The following CHN2 variants were observed in gnomAD, a reference collection of about 807,000 sequenced individuals.
CHN2 encodes beta-chimaerin.
A neutral mutation model predicts 56.3 loss-of-function variants in CHN2; 35 were observed. That is an observed-to-expected ratio of 0.62 (90% confidence interval 0.47 to 0.82). The LOEUF is 0.82. CHN2 is among the 40% of genes least tolerant of loss of function. The pLI is 0.00. For synonymous variants in CHN2, 210 were observed against 212.8 expected, an observed-to-expected ratio of 0.99 and a Z score of 0.12; for missense variants, 491 against 580.5, an observed-to-expected ratio of 0.85 and a Z score of 1.58.
chr7:29,291,660 T>A (rs1007327501), intron 1 of CHN2, among the ~76,000 whole-genome samples: 5 of 152,214 alleles, frequency 3.3e-5, no homozygotes, highest in African/African-American at 1.2e-4. Flanking sequence ...GTATTTAGGT[T>A]GATACCAGTT....
At position 29,422,329 on chromosome 7, in the gene CHN2, C is replaced by T. The variant is rs543227993; in HGVS notation, c.576+21501C>T. On this transcript the variant is annotated intron_variant, in intron 6 of 12. Coordinates refer to ENST00000222792, the MANE Select transcript of CHN2 (RefSeq NM_004067.4). ...GTCAAATACACACAGGTGCAGCAGC[C>T]GGCACCCGCCAGGTGTGCTATCAAT... Among the ~76,000 whole-genome samples, 20 of 152,278 alleles carry T rather than the reference C, an allele frequency of 1.3e-4. No homozygotes were observed. The East Asian group carries it at 1.4e-3, about 10-fold the overall frequency.
intron 1 of CHN2, among the ~76,000 whole-genome samples, chr7:29,241,250 C>T (rs945206316): frequency 2.6e-5 from 4 of 152,034 alleles, no homozygotes; most frequent in South Asian, 2.1e-4. Context: ...AATTCAGGCT[C>T]GCAGACAATT....
chr7:29,207,307 T>C (rs1390376921), intron 1 of CHN2, among the ~76,000 whole-genome samples: 1 of 151,974 alleles, frequency 6.6e-6, no homozygotes, highest in African/African-American at 2.4e-5. Context: ...TACATGGGGG[T>C]GCCCCTTCTC....
chr7:29,228,137 C>T (rs1211540792), intron 1 of CHN2, among the ~76,000 whole-genome samples: 1 of 150,620 alleles, frequency 6.6e-6, no homozygotes, highest in African/African-American at 2.4e-5. Flanking sequence ...AAAACCTGTA[C>T]ACACACTAAT....
At chr7:29,194,685 C>T, upstream of CHN2, 1 of 382,128 alleles carries the variant, frequency 2.6e-6, no homozygotes, top group Non-Finnish European at 4.6e-6. Flanking sequence ...TCTGCTCCCA[C>T]CTACCCCCTG....
At chr7:29,147,242 A>C in intron 2 of CHN2, 1 of 403,786 alleles carries the variant, frequency 2.5e-6, no homozygotes, top group African/African-American at 2.0e-5. Context: ...AACACAAAAT[A>C]AAGGAGGGTC....
At chr7:29,264,076 A>G (rs1584907926) in intron 1 of CHN2, among the ~76,000 whole-genome samples, 2 of 147,484 alleles carry the variant, frequency 1.4e-5, no homozygotes, top group Non-Finnish European at 3.0e-5. Context: ...CCCGTCCGGG[A>G]GGTGGGGGGC....
chr7:29,496,498 G>T (rs1047638146), intron 8 of CHN2, among the ~76,000 whole-genome samples: 1 of 151,148 alleles, frequency 6.6e-6, no homozygotes, highest in Admixed American at 6.6e-5. Flanking sequence ...CCTTGGGGGA[G>T]ATGCAATTAT....
intron 2 of CHN2, among the ~76,000 whole-genome samples, chr7:29,356,502 TG>T (rs1370972606): frequency 1.3e-5 from 2 of 152,168 alleles, no homozygotes; most frequent in Non-Finnish European, 2.9e-5. Context: ...TCTGTGAATG[TG>T]GGGAGGGAGA....
chr7:29,368,004 T>G lies in CHN2; in HGVS notation c.144+17T>G. 1 of 1,604,024 alleles carries G rather than the reference T, an allele frequency of 6.2e-7. No individual in the cohort carries two copies. Among genetic ancestry groups the G allele is most frequent in the Non-Finnish European group, 8.5e-7 (1 of 1,174,496 alleles). On this transcript the variant is annotated intron_variant, in intron 3 of 12. Transcript: ENST00000222792. ...CCTCGGGAGGTCAGTGCTCAGCTAT[T>G]TCCAATACACCTTGTTAAATATGAT...
intron 1 of CHN2, among the ~76,000 whole-genome samples, chr7:29,350,128 C>A (rs1261497052): frequency 3.9e-5 from 6 of 152,114 alleles, no homozygotes; most frequent in African/African-American, 1.4e-4. Context: ...TTTGGGGGGA[C>A]TGCCTGGCAA....
chr7:29,411,846 G>A lies in CHN2; in HGVS notation c.576+11018G>A, dbSNP rs558692114. Among the ~76,000 whole-genome samples, 495 of 152,254 alleles carry A rather than the reference G, an allele frequency of 3.3e-3. 3 individuals are homozygous for A. Among genetic ancestry groups the A allele is most frequent in the Non-Finnish European group, 4.8e-3 (329 of 68,008 alleles). Reference sequence around the variant, plus strand: ...CGGAGCTGCCCTTCAGCCCGCCCCCGTCTCTGGATGTTCCAGTACTGCTGG... The same window carrying A: ...CGGAGCTGCCCTTCAGCCCGCCCCCATCTCTGGATGTTCCAGTACTGCTGG... On this transcript the variant is annotated intron_variant, in intron 6 of 12. Coordinates refer to ENST00000222792, the MANE Select transcript of CHN2 (RefSeq NM_004067.4).
At chr7:29,176,143 G>A (rs569381402) in intron 2 of CHN2, among the ~76,000 whole-genome samples, 10 of 151,620 alleles carry the variant, frequency 6.6e-5, no homozygotes, top group East Asian at 3.9e-4. Flanking sequence ...CCAAGATCGC[G>A]CCACTGCACT....
intron 6 of CHN2, among the ~76,000 whole-genome samples, chr7:29,464,277 T>G (rs1332761889): frequency 6.6e-6 from 1 of 152,246 alleles, no homozygotes; most frequent in Non-Finnish European, 1.5e-5. Context: ...TGGTAGGTAT[T>G]CATTGGCCTT....
intron 6 of CHN2, among the ~76,000 whole-genome samples, chr7:29,437,268 A>G (rs1783295014): frequency 6.6e-6 from 1 of 152,242 alleles, no homozygotes; most frequent in Non-Finnish European, 1.5e-5. Context: ...GAGATTTCCA[A>G]GGCCATATGC....
At chr7:29,198,182 AG>A (rs1783894276) in intron 1 of CHN2, among the ~76,000 whole-genome samples, 1 of 152,244 alleles carries the variant, frequency 6.6e-6, no homozygotes, top group South Asian at 2.1e-4. Context: ...GCAGTGAAAA[AG>A]GAACAGTTAA....
At chr7:29,498,758 CTTTTTTT>C (rs138784356) in intron 8 of CHN2, among the ~76,000 whole-genome samples, 67 of 100,066 alleles carry the variant, frequency 6.7e-4, no homozygotes, top group African/African-American at 2.8e-3. Flanking sequence ...ACTATGCTGC[CTTTTTTT>C]TTTTTTTTTT....
chr7:29,313,533 G>A (rs976550105), intron 1 of CHN2, among the ~76,000 whole-genome samples: 1 of 152,156 alleles, frequency 6.6e-6, no homozygotes, highest in Non-Finnish European at 1.5e-5. Flanking sequence ...GTCCTCTGCT[G>A]AGCTCTCTGT....
chr7:29,507,469 T>C, intron 11 of CHN2, 104 bp downstream of exon 11: 1 of 873,490 alleles, frequency 1.1e-6, no homozygotes, highest in Non-Finnish European at 1.7e-6. Context: ...ATTGCATTTG[T>C]GCCTGTCTTG....
Sources: allele counts gnomAD v4.1 joint callset (sites outside exome capture counted in the v4.1 genomes callset), GRCh38; gene constraint gnomAD v4.1.1; transcripts MANE v1.5; gene names NCBI Gene and HGNC (gene_info 2026-07-23, HGNC 2026-07-21).